THNSL2: variants seen among roughly 807,000 people sequenced by gnomAD.
The protein encoded by THNSL2 is threonine synthase like 2, also known as threonine synthase-like 2.
In THNSL2, 34 loss-of-function variants were observed where a neutral mutation model predicts 40.0. The ratio of observed to expected loss-of-function variants is 0.85; its 90% CI spans 0.65 to 1.13. The LOEUF (loss-of-function observed/expected upper bound fraction) is 1.13, where lower values mean the gene tolerates loss of function less well. THNSL2 is among the 50% of genes most tolerant of loss of function. The probability of loss-of-function intolerance (pLI) is 0.00; values close to 1 mark genes in which losing one functional copy is unlikely to be tolerated. For missense variants in THNSL2, 537 were observed against 608.8 expected, an observed-to-expected ratio of 0.88 and a Z score of 1.24; for synonymous variants, 241 against 247.5, an observed-to-expected ratio of 0.97 and a Z score of 0.25.
In THNSL2 at chr2:88,174,768, C is replaced by T. The variant is rs1676726000; in HGVS notation, c.353C>T (p.Ser118Phe). Residue 118 changes from serine (S) to phenylalanine (F), a missense_variant, in exon 3 of 9, where the codon TCC becomes TTC. By Grantham distance (155) the Ser-to-Phe change is radical. Transcript: ENST00000674334. ...TATGCATTTAAGGACCTGTCCCTGT[C>T]CTGCACAACACAGTTCCTGCAGTAC... Reference protein sequence around the residue: ...VTYAFKDLSLSCTTQFLQYFL... With the variant: ...VTYAFKDLSLFCTTQFLQYFL... 1 of 1,614,178 alleles carries T rather than the reference C, an allele frequency of 6.2e-7. No homozygotes were observed. Among genetic ancestry groups the T allele is most frequent in the Admixed American group, 1.7e-5 (1 of 60,024 alleles).
chr2:88,186,007 A>G lies in THNSL2; in HGVS notation c.1339A>G (p.Lys447Glu), dbSNP rs1678260546. 2 of 1,611,350 alleles carry G rather than the reference A, an allele frequency of 1.2e-6. No individual in the cohort carries two copies. The highest frequency in any genetic ancestry group is 2.7e-5 in the African/African-American group (2 of 74,986). Residue 447 changes from lysine (K) to glutamate (E), a missense_variant, in exon 9 of 9, where the codon AAG becomes GAG. Coordinates refer to ENST00000674334, the MANE Select transcript of THNSL2 (RefSeq NM_018271.5). Reference protein sequence around the residue: ...TPAEIVALEHKETRCTLMRRG... With the variant: ...TPAEIVALEHEETRCTLMRRG... ...CGCGGAGATCGTAGCCCTGGAGCAC[A>G]AGGAGACACGCTGCACCCTGATGCG...
chr2:88,175,655 C>T (rs2104163304), intron 4 of THNSL2: 1 of 434,600 alleles, frequency 2.3e-6, no homozygotes, highest in Admixed American at 4.0e-5. Flanking sequence ...GAAAACCATA[C>T]CCCAAAAAAT....
chr2:88,179,789 T>C (rs570664338), intron 5 of THNSL2, among the ~76,000 whole-genome samples: 2 of 152,224 alleles, frequency 1.3e-5, no homozygotes, highest in Non-Finnish European at 2.9e-5. Flanking sequence ...CATTTTATAA[T>C]GAGGGAACAA....
chr2:88,186,155 G>T lies in THNSL2; in HGVS notation c.*32G>T. 6.5e-7 allele frequency: 1 copy of T among 1,547,110 alleles called. No homozygotes were observed. Among genetic ancestry groups the T allele is most frequent in the South Asian group, 1.2e-5 (1 of 83,954 alleles). ...TGGAGGTGGCTTTCTTTAGGCTTCA[G>T]ATCCCAGGAAGATGCACCTTCTGAG... On this transcript the variant is annotated 3_prime_UTR_variant, in exon 9 of 9. Coordinates refer to ENST00000674334, the MANE Select transcript of THNSL2 (RefSeq NM_018271.5).
At chr2:88,179,852 AC>A (rs1287932733) in intron 5 of THNSL2, among the ~76,000 whole-genome samples, 1 of 152,160 alleles carries the variant, frequency 6.6e-6, no homozygotes, top group African/African-American at 2.4e-5. Context: ...CAGAAGCGCG[AC>A]CCAGGTAGTC....
chr2:88,185,543 C>A, intron 8 of THNSL2, 64 bp downstream of exon 8: 1 of 1,555,898 alleles, frequency 6.4e-7, no homozygotes, highest in Non-Finnish European at 8.7e-7. Flanking sequence ...CTCTTCTTCT[C>A]CAAGCAGTGG....
chr2:88,175,528 G>C, intron 4 of THNSL2, 127 bp downstream of exon 4: 1 of 1,282,886 alleles, frequency 7.8e-7, no homozygotes, highest in Non-Finnish European at 1.1e-6. Flanking sequence ...CATCATATTC[G>C]AGGTTGGTGT....
chr2:88,184,514 C>T (rs1678042702), intron 7 of THNSL2, among the ~76,000 whole-genome samples: 2 of 152,042 alleles, frequency 1.3e-5, no homozygotes. Flanking sequence ...CCTCTAATCC[C>T]AGAACTTTGG....
In THNSL2 at chr2:88,174,935, G is replaced by T. The variant is rs988325794; in HGVS notation, c.418+102G>T. ...AGAGCCACTCAGGAACTGTGGTACT[G>T]GTTCTTCCAGAGCAAGGTTCCTAAC... On this transcript the variant is annotated intron_variant, in intron 3 of 8. Transcript: ENST00000674334. 5.6e-5 allele frequency: 76 copies of T among 1,350,582 alleles called. 2 individuals are homozygous for T. The highest frequency in any genetic ancestry group is 4.7e-4 in the South Asian group (34 of 72,412). The allele number at this position is 1,350,582 out of a possible 1,614,324, so 83.7% of individuals were successfully genotyped here. A position where few individuals can be genotyped will look rare whatever the true frequency, so the allele number is the denominator to read the frequency against.
chr2:88,180,571 CA>C (rs750048685), intron 5 of THNSL2, among the ~76,000 whole-genome samples: 1 of 93,682 alleles, frequency 1.1e-5, no homozygotes, highest in Admixed American at 1.1e-4. Flanking sequence ...GACTCAGTCT[CA>C]AAAAAAAAAT....
intron 4 of THNSL2, 29 bp downstream of exon 4, chr2:88,175,430 C>T (rs766536942): frequency 2.2e-5 from 35 of 1,607,514 alleles, no homozygotes; most frequent in Non-Finnish European, 2.6e-5. Context: ...GCTCTAGGGA[C>T]AGTGCAGCCC....
At chr2:88,171,447 G>A (rs10182147) in intron 1 of THNSL2, 12 of 397,838 alleles carry the variant, frequency 3.0e-5, no homozygotes, top group African/African-American at 2.5e-4. Context: ...CCAGGGAAGG[G>A]CATTTGAAAA....
In THNSL2 at chr2:88,173,147, G is replaced by A. The variant is rs897406236; in HGVS notation, c.-4G>A. 6 of 1,536,844 alleles carry A rather than the reference G, an allele frequency of 3.9e-6. No homozygotes were observed. Among genetic ancestry groups the A allele is most frequent in the South Asian group, 2.5e-5 (2 of 79,132 alleles). ...GACTGTCCTCTCTGCAGGCCTCCAG[G>A]ATCATGTGGTATGTCAGCACCAGGG... On this transcript the variant is annotated 5_prime_UTR_variant, in exon 2 of 9. Transcript: ENST00000674334.
Position 88,182,737 on chromosome 2 carries a change from C to G in THNSL2, c.841C>G (p.Leu281Val). 6.2e-7 allele frequency: 1 copy of G among 1,613,924 alleles called. No homozygotes were observed. Residue 281 changes from leucine (L) to valine (V), a missense_variant, in exon 6 of 9, where the codon CTG (leucine) becomes GTG (valine). Transcript: ENST00000674334. Reference sequence around the variant, plus strand: ...TCAAAAGATAGGCCTGCCCATCCGTCTGGTCGTGGCAGTGAACCGCAATGA... The same window carrying G: ...TCAAAAGATAGGCCTGCCCATCCGTGTGGTCGTGGCAGTGAACCGCAATGA... The part of the protein sequence containing the change: ...IAQKIGLPIR[L>V]VVAVNRNDII...
At chr2:88,177,804 A>T (rs76526133) in intron 4 of THNSL2, among the ~76,000 whole-genome samples, 2,444 of 152,208 alleles carry the variant, frequency 0.016, 66 homozygotes, top group African/African-American at 0.056. Context: ...ACTGATCGGA[A>T]TTTATTCACA....
At chr2:88,180,635 C>A (rs993054780) in intron 5 of THNSL2, among the ~76,000 whole-genome samples, 1 of 152,048 alleles carries the variant, frequency 6.6e-6, no homozygotes, top group African/African-American at 2.4e-5. Context: ...TTGTCCCTAA[C>A]TCCCCTTAGC....
At chr2:88,178,184 A>G (rs149126362) in intron 4 of THNSL2, among the ~76,000 whole-genome samples, 2 of 152,344 alleles carry the variant, frequency 1.3e-5, no homozygotes, top group Non-Finnish European at 2.9e-5. Flanking sequence ...TAATTCACTC[A>G]TAAATTACAC....
At position 88,182,736 on chromosome 2, in the gene THNSL2, T is replaced by A. The variant is rs576025258; in HGVS notation, c.840T>A (p.Arg280=). Residue 280 remains arginine (R), a synonymous_variant, in exon 6 of 9, where the codon CGT becomes CGA. Transcript: ENST00000674334. ...YIAQKIGLPI[R]LVVAVNRNDI... ...CTCAAAAGATAGGCCTGCCCATCCG[T>A]CTGGTCGTGGCAGTGAACCGCAATG... 1 of 1,613,902 alleles carries A rather than the reference T, an allele frequency of 6.2e-7. No homozygotes were observed. Among genetic ancestry groups the A allele is most frequent in the East Asian group, 2.2e-5 (1 of 44,876 alleles).
At chr2:88,170,727 G>A (rs1452762619) in intron 1 of THNSL2, among the ~76,000 whole-genome samples, 1 of 152,140 alleles carries the variant, frequency 6.6e-6, no homozygotes, top group African/African-American at 2.4e-5. Context: ...GGGGCTGGGA[G>A]TGGAATCTCA....
Sources: gnomAD v4.1 joint callset for allele counts (sites outside exome capture counted in the v4.1 genomes callset) on GRCh38, gnomAD v4.1.1 for gene constraint, MANE v1.5 for transcripts, NCBI Gene and HGNC (gene_info 2026-07-23, HGNC 2026-07-21) for gene names.